Variants in XYLT2 observed in about 807,000 individuals in gnomAD.
XYLT2 encodes UDP-D-xylose:proteoglycan core protein beta-D-xylosyltransferase.
A neutral mutation model predicts 82.6 loss-of-function variants in XYLT2; 37 were observed. The ratio of observed to expected loss-of-function variants is 0.45; its 90% CI spans 0.34 to 0.59. The LOEUF (loss-of-function observed/expected upper bound fraction) is 0.59, where lower values mean the gene tolerates loss of function less well. XYLT2 is among the 20% of genes least tolerant of loss of function. The pLI, the probability that XYLT2 is intolerant of heterozygous loss-of-function variation, is 0.01. For missense variants in XYLT2, 934 were observed against 1,181.3 expected, an observed-to-expected ratio of 0.79 and a Z score of 3.07; for synonymous variants, 474 against 499.0, an observed-to-expected ratio of 0.95 and a Z score of 0.67.
chr17:50,361,018 T>C lies in XYLT2; in HGVS notation c.*727T>C, dbSNP rs1316008926. 129 of 985,680 alleles carry C rather than the reference T, an allele frequency of 1.3e-4. No homozygotes were observed. The highest frequency in any genetic ancestry group is 1.5e-4 in the Non-Finnish European group (123 of 829,954). 61.1% of individuals were successfully genotyped at this position (985,680 alleles called of 1,614,324 possible). On this transcript the variant is annotated 3_prime_UTR_variant, in exon 11 of 11. Coordinates refer to ENST00000017003, the MANE Select transcript of XYLT2 (RefSeq NM_022167.4). The stretch of plus-strand genomic sequence containing the variant: ...CCATGCAGAGTTTCCAGGTGTGCAC[T>C]GGAAGTGAGGTCACATGAGCAGCGT...
Position 50,360,569 on chromosome 17 carries a change from T to TTA in XYLT2, c.*279_*280insAT. The TTA allele has an allele frequency of 3.7e-6, 4 of 1,080,808 alleles. No homozygotes were observed. Among genetic ancestry groups the TTA allele is most frequent in the East Asian group, 4.3e-5 (1 of 23,498 alleles). 67.0% of individuals were successfully genotyped at this position (1,080,808 alleles called of 1,614,324 possible). A position where few individuals can be genotyped will look rare whatever the true frequency, so the allele number is the denominator to read the frequency against. ...CCTGTCTAGTTTGAATTTCTTTTTT[T>TTA]TCTTTTTTTTTTTTTTTTTTTAATT... is the stretch of plus-strand genomic sequence containing the variant. On this transcript the variant is annotated 3_prime_UTR_variant, in exon 11 of 11. Coordinates refer to ENST00000017003, the MANE Select transcript of XYLT2 (RefSeq NM_022167.4).
Position 50,355,016 on chromosome 17 carries a change from G to A in XYLT2, c.967G>A (p.Asp323Asn). 2 of 1,541,408 alleles carry A rather than the reference G, an allele frequency of 1.3e-6. No homozygotes were observed. Among genetic ancestry groups the A allele is most frequent in the South Asian group, 2.5e-5 (2 of 78,868 alleles). Reference protein sequence around the residue: ...DLLEVPGWAWDFFINLSATDY... With the variant: ...DLLEVPGWAWNFFINLSATDY... ...GCTAGAGGTGCCTGGCTGGGCCTGG[G>A]ACTTCTTCATCAACCTCAGTGCCAC... The change falls in exon 4 of 11, where the codon GAC becomes AAC. Residue 323 changes from aspartate to asparagine, a missense_variant. Asp to Asn is a conservative substitution (Grantham distance 23). Coordinates refer to ENST00000017003, the MANE Select transcript of XYLT2 (RefSeq NM_022167.4).
chr17:50,359,661 A>G (rs1227669126), intron 10 of XYLT2: 2 of 360,214 alleles, frequency 5.6e-6, no homozygotes, highest in Non-Finnish European at 1.0e-5. Flanking sequence ...TGAGGGCTCT[A>G]GGAGCCACCA....
At chr17:50,348,302 G>C (rs1598347000) in intron 1 of XYLT2, among the ~76,000 whole-genome samples, 1 of 152,336 alleles carries the variant, frequency 6.6e-6, no homozygotes, top group South Asian at 2.1e-4. Context: ...GTCAGGAAAG[G>C]CTTCTCACAG....
rs746968788 is a variant in XYLT2 at position 50,353,669 on chromosome 17, G to A, written c.175G>A (p.Glu59Lys). ...GAAGCCACGGCCACTGGACCCTGGC[G>A]AGGGTTCCAAGGACACAGACAGTTC... ...QRKPRPLDPG[E>K]GSKDTDSSAG... The change falls in exon 2 of 11, where the codon GAG (glutamate) becomes AAG (lysine). Residue 59 changes from glutamate (E) to lysine (K), a missense_variant. Glu to Lys is a moderately conservative substitution (Grantham distance 56). Transcript: ENST00000017003. 10 of 1,567,356 alleles carry A rather than the reference G, an allele frequency of 6.4e-6. No homozygotes were observed. The highest frequency in any genetic ancestry group is 1.4e-5 in the African/African-American group (1 of 73,792).
chr17:50,353,282 C>T (rs1325984632), intron 1 of XYLT2, among the ~76,000 whole-genome samples: 1 of 152,136 alleles, frequency 6.6e-6, no homozygotes, highest in Non-Finnish European at 1.5e-5. Context: ...GGTCTTTGCA[C>T]CCTTCCCTTG....
chr17:50,353,182 C>T (rs1413005798), intron 1 of XYLT2, among the ~76,000 whole-genome samples: 1 of 152,174 alleles, frequency 6.6e-6, no homozygotes, highest in African/African-American at 2.4e-5. Flanking sequence ...TTGGATTCAT[C>T]TGGAAGTTAG....
At chr17:50,350,892 A>G (rs537709442) in intron 1 of XYLT2, among the ~76,000 whole-genome samples, 1 of 152,176 alleles carries the variant, frequency 6.6e-6, no homozygotes, top group East Asian at 1.9e-4. Flanking sequence ...TTTGCCAGGC[A>G]CAGGGGATAG....
intron 9 of XYLT2, 173 bp from the exon 10 acceptor site, chr17:50,358,034 G>A (rs1457614320): frequency 1.1e-5 from 7 of 625,392 alleles, no homozygotes; most frequent in African/African-American, 1.8e-5. Flanking sequence ...GAATCTCAGA[G>A]CTGGGAGAGA....
At chr17:50,354,365 T>C in intron 2 of XYLT2, 43 bp from the exon 3 acceptor site, 1 of 1,554,526 alleles carries the variant, frequency 6.4e-7, no homozygotes, top group Non-Finnish European at 8.7e-7. Context: ...CCCCACCCTG[T>C]GACCTAGGGT....
At chr17:50,357,034 C>G in intron 8 of XYLT2, 23 bp from the exon 9 acceptor site, 1 of 1,574,824 alleles carries the variant, frequency 6.3e-7, no homozygotes, top group Non-Finnish European at 8.6e-7. Context: ...TGGCATCTCC[C>G]TTTCTCCCTG....
In XYLT2 at chr17:50,346,136, G is replaced by T; in HGVS notation, c.-5G>T. ...GGGCGCGCGCCCCGCGTCCCGGGCA[G>T]GAAGATGGTGGCGAGCGCGCGAGTG... is the stretch of plus-strand genomic sequence containing the variant. On this transcript the variant is annotated 5_prime_UTR_variant, in exon 1 of 11. The change creates a new upstream start codon in the 5' untranslated region. Transcript: ENST00000017003. The surrounding 1 kb of genome is among the most constrained non-coding windows in gnomAD (Gnocchi z 5.1). 8.1e-7 allele frequency: 1 copy of T among 1,241,012 alleles called. No individual in the cohort carries two copies. 76.9% of individuals were successfully genotyped at this position (1,241,012 alleles called of 1,614,324 possible).
At chr17:50,358,666 C>A in intron 10 of XYLT2, 126 bp downstream of exon 10, 1 of 1,022,496 alleles carries the variant, frequency 9.8e-7, no homozygotes, top group Middle Eastern at 2.2e-4. Context: ...CATGGAAGGG[C>A]TGGGGCCTTC....
At position 50,355,600 on chromosome 17, in the gene XYLT2, A is replaced by G; in HGVS notation, c.1088+19A>G. ...ACTCCAGGTGAGGGGGTGGGGAAGG[A>G]GGCCCTGGCCCCAGAGTCTTGTCCC... On this transcript the variant is annotated intron_variant, in intron 5 of 10. Transcript: ENST00000017003. The G allele has an allele frequency of 6.2e-7, 1 of 1,613,684 alleles. No individual in the cohort carries two copies. The highest frequency in any genetic ancestry group is 8.5e-7 in the Non-Finnish European group (1 of 1,179,722).
chr17:50,355,067 G>A lies in XYLT2; in HGVS notation c.1007+11G>A. 6.6e-7 allele frequency: 1 copy of A among 1,525,092 alleles called. No homozygotes were observed. Among genetic ancestry groups the A allele is most frequent in the Non-Finnish European group, 8.8e-7 (1 of 1,137,770 alleles). The allele number at this position is 1,525,092 out of a possible 1,614,324, so 94.5% of individuals were successfully genotyped here. On this transcript the variant is annotated intron_variant, in intron 4 of 10. Coordinates refer to ENST00000017003, the MANE Select transcript of XYLT2 (RefSeq NM_022167.4). ...TGACTATCCAACCAGGTGTGGGGAT[G>A]GGGCTCTGAGTCCTCTGCATGGGAG... is the stretch of plus-strand genomic sequence containing the variant.
In XYLT2 at chr17:50,350,182, CAAAAAAAAAAAAAAAA is replaced by C. The variant is rs34760778; in HGVS notation, c.136-3438_136-3423del. ...TGGGCGACAGAGTGAGACTGCGTCT[CAAAAAAAAAAAAAAAA>C]AAAAAAAAAGTACCAGTACTTACTG... On this transcript the variant is annotated intron_variant, in intron 1 of 10. Coordinates refer to ENST00000017003, the MANE Select transcript of XYLT2 (RefSeq NM_022167.4). Among the ~76,000 whole-genome samples the C allele has an allele frequency of 6.5e-4, 12 of 18,566 alleles. 5 individuals are homozygous for C. In the South Asian group the frequency reaches 0.057, roughly 89 times the overall value. The allele number at this position is 18,566 out of a possible 152,430, so 12.2% of individuals were successfully genotyped here.
chr17:50,357,752 T>G, intron 9 of XYLT2: 1 of 163,662 alleles, frequency 6.1e-6, no homozygotes, highest in Non-Finnish European at 1.3e-5. Context: ...ATTTTTTTTT[T>G]TGTATTTTTA....
rs1242114088 is a variant in XYLT2, at chr17:50,353,884, G to A, written c.390G>A (p.Glu130=). The change falls in exon 2 of 11, where the codon GAG becomes GAA. Residue 130 remains glutamate, a synonymous_variant. Transcript: ENST00000017003. ...ACCTGAGTGGGGCAGCAGCTGGGGAGGCGCTGGTAGGGGCAGCTGGCTTCC... is the reference window on the plus strand; with the variant it reads ...ACCTGAGTGGGGCAGCAGCTGGGGAAGCGCTGGTAGGGGCAGCTGGCTTCC... ...RQNLSGAAAG[E]ALVGAAGFPP... 1 of 1,608,910 alleles carries A rather than the reference G, an allele frequency of 6.2e-7. No homozygotes were observed. Among genetic ancestry groups the A allele is most frequent in the Non-Finnish European group, 8.5e-7 (1 of 1,179,494 alleles).
In XYLT2 at chr17:50,352,685, G is replaced by A. The variant is rs528858346; in HGVS notation, c.136-945G>A. ...GGCAGCAGGTACCAGAGCACTTAGAGCCAGGAAGCAGGGGCGCAGCAGCGG... is the reference window on the plus strand; with the variant it reads ...GGCAGCAGGTACCAGAGCACTTAGAACCAGGAAGCAGGGGCGCAGCAGCGG... On this transcript the variant is annotated intron_variant, in intron 1 of 10. Transcript: ENST00000017003. Among the ~76,000 whole-genome samples, 41 of 152,318 alleles carry A rather than the reference G, an allele frequency of 2.7e-4. 1 individual carries two copies. The South Asian group carries it at 6.6e-3, about 25-fold the overall frequency.
Sources: gnomAD v4.1 joint callset for allele counts (sites outside exome capture counted in the v4.1 genomes callset) on GRCh38, gnomAD v4.1.1 for gene constraint, Gnocchi (gnomAD v3.1) non-coding constraint, MANE v1.5 for transcripts, NCBI Gene and HGNC (gene_info 2026-07-23, HGNC 2026-07-21) for gene names.